The following STRADA variants were observed in gnomAD, a reference collection of about 807,000 sequenced individuals.
STRADA encodes STE20-related kinase adapter protein alpha.
STRADA carries 26 observed loss-of-function variants against 55.0 expected under a neutral mutation model. The observed-to-expected ratio is 0.47, with a 90% confidence interval of 0.35 to 0.66. The LOEUF (loss-of-function observed/expected upper bound fraction) is 0.66. Among genes scored for constraint, STRADA ranks in the 30% least tolerant of loss-of-function variants. The pLI is 0.01. For missense variants in STRADA, 443 were observed against 549.7 expected (o/e 0.81, Z 1.94); for synonymous variants, 197 against 210.9 (o/e 0.93, Z 0.57).
At chr17:63,710,679 C>T in intron 7 of STRADA, 49 bp downstream of exon 7, 1 of 1,613,946 alleles carries the variant, frequency 6.2e-7, no homozygotes, top group South Asian at 1.1e-5. Flanking sequence ...GGCAATCTGA[C>T]AACAGAGTCC....
intron 1 of STRADA, among the ~76,000 whole-genome samples, chr17:63,740,631 ATC>A (rs888229552): frequency 2.6e-4 from 39 of 152,342 alleles, no homozygotes; most frequent in African/African-American, 8.9e-4. Context: ...AAGTATTATC[ATC>A]TCTGTTTTAC....
chr17:63,707,147 C>T (rs1366455089), intron 9 of STRADA, 100 bp downstream of exon 9: 2 of 1,486,864 alleles, frequency 1.3e-6, no homozygotes, highest in Admixed American at 3.5e-5. Flanking sequence ...CCCCTTTACC[C>T]CACTGGGAGG....
chr17:63,739,797 A>AT (rs2038747778), intron 1 of STRADA, among the ~76,000 whole-genome samples: 2 of 32,222 alleles, frequency 6.2e-5, no homozygotes, highest in Admixed American at 2.2e-4. Context: ...TAATGTACAT[A>AT]ATTATATGTA....
chr17:63,707,373 G>A lies in STRADA; in HGVS notation c.627C>T (p.Val209=). 1 of 1,614,176 alleles carries A rather than the reference G, an allele frequency of 6.2e-7. No individual in the cohort carries two copies. Among genetic ancestry groups the A allele is most frequent in the South Asian group, 1.1e-5 (1 of 91,084 alleles). Residue 209 remains valine, a synonymous_variant, in exon 9 of 13, where the codon GTC becomes GTT. Transcript: ENST00000336174. The part of the protein sequence containing the change: ...SHILISVDGK[V]YLSGLRSNLS... ...GGTTGCTGCGCAAACCAGACAGGTA[G>A]ACCTTCCCATCCACAGAGATCAGGA...
At chr17:63,720,187 T>A (rs1018887238) in intron 4 of STRADA, among the ~76,000 whole-genome samples, 3 of 150,628 alleles carry the variant, frequency 2.0e-5, no homozygotes, top group Non-Finnish European at 3.0e-5. Flanking sequence ...TTTTTTTTTT[T>A]AATTAGGGAC....
Position 63,726,693 on chromosome 17 carries a change from C to T in STRADA, c.39G>A (p.Arg13=), listed in dbSNP as rs1238258633. 8 of 1,614,086 alleles carry T rather than the reference C, an allele frequency of 5.0e-6. No individual in the cohort carries two copies. The highest frequency in any genetic ancestry group is 6.8e-6 in the Non-Finnish European group (8 of 1,179,976). ...CAACAATGAACTTTTCCGAGACCCA[C>T]CGCTAAAGAGGAAAACCCCAAAGAG... The part of the protein sequence containing the change: ...FLVSKPERIR[R]WVSEKFIVEG... Residue 13 remains arginine, a splice_region_variant and synonymous_variant, in exon 3 of 13, where the codon CGG becomes CGA. Coordinates refer to ENST00000336174, the MANE Select transcript of STRADA (RefSeq NM_001003787.4).
intron 1 of STRADA, among the ~76,000 whole-genome samples, chr17:63,739,026 G>A (rs962271194): frequency 1.1e-4 from 17 of 150,268 alleles, no homozygotes; most frequent in Non-Finnish European, 1.6e-4. Flanking sequence ...GGTGGCGGGC[G>A]CCTGTAGTCC....
intron 8 of STRADA, among the ~76,000 whole-genome samples, chr17:63,709,069 A>G (rs975387737): frequency 7.2e-5 from 11 of 152,102 alleles, no homozygotes; most frequent in African/African-American, 1.9e-4. Flanking sequence ...CCTTCTGGGG[A>G]CAGACACTCA....
In STRADA at chr17:63,724,245, C is replaced by T. The variant is rs185422991; in HGVS notation, c.95-919G>A. 6.6e-3 allele frequency among the ~76,000 whole-genome samples: 996 copies of T among 151,506 alleles called. 9 individuals carry two copies. The highest frequency in any genetic ancestry group is 0.036 in the South Asian group (171 of 4,776). On this transcript the variant is annotated intron_variant, in intron 3 of 12. Transcript: ENST00000336174. The stretch of plus-strand genomic sequence containing the variant: ...GCAACCTCCGCCTCCCGGGTTCAAG[C>T]GATTCTCCTGCCTCAGCCTCCCAAG...
At chr17:63,716,129 C>A (rs1189915527) in intron 4 of STRADA, among the ~76,000 whole-genome samples, 1 of 148,004 alleles carries the variant, frequency 6.8e-6, no homozygotes, top group Admixed American at 6.7e-5. Context: ...CGGAGTCTCA[C>A]TCTGTCACCA....
At position 63,741,661 on chromosome 17, in the gene STRADA, G is replaced by A. The variant is rs1236841758; in HGVS notation, c.-45+80C>T. On this transcript the variant is annotated intron_variant, in intron 1 of 12. Transcript: ENST00000336174. ...GGATGGCCGCTCCGACGAAGGCCCG[G>A]GCCTGGGGAGATGGAATCGGTGGCA... 2.0e-5 allele frequency: 3 copies of A among 152,472 alleles called. No homozygotes were observed. The East Asian group carries it at 5.8e-4, about 29-fold the overall frequency. The allele number at this position is 152,472 out of a possible 1,614,324, so 9.4% of individuals were successfully genotyped here.
chr17:63,730,956 T>C (rs2037998435), intron 1 of STRADA, among the ~76,000 whole-genome samples: 1 of 151,028 alleles, frequency 6.6e-6, no homozygotes, highest in South Asian at 2.1e-4. Context: ...CCTGATATTC[T>C]TTTTTTTTGA....
chr17:63,723,774 G>A (rs2037466839), intron 3 of STRADA: 1 of 154,752 alleles, frequency 6.5e-6, no homozygotes, highest in Non-Finnish European at 1.4e-5. Context: ...AGGGCAAAAA[G>A]TTTTAAAATA....
chr17:63,736,197 A>G (rs1236921926), intron 1 of STRADA, among the ~76,000 whole-genome samples: 1 of 151,948 alleles, frequency 6.6e-6, no homozygotes, highest in African/African-American at 2.4e-5. Flanking sequence ...TCAGCCTCCC[A>G]AAGTGCTGGG....
At chr17:63,735,063 G>A (rs572835675) in intron 1 of STRADA, among the ~76,000 whole-genome samples, 1 of 152,288 alleles carries the variant, frequency 6.6e-6, no homozygotes, top group Non-Finnish European at 1.5e-5. Flanking sequence ...GCTGAGACAG[G>A]AGAATCGTTT....
chr17:63,732,094 T>A (rs1027740903), intron 1 of STRADA, among the ~76,000 whole-genome samples: 1 of 152,106 alleles, frequency 6.6e-6, no homozygotes, highest in African/African-American at 2.4e-5. Context: ...GGTCTCGATC[T>A]CCTGACCTTG....
At chr17:63,707,574 C>T (rs2036186874) in intron 8 of STRADA, 156 bp from the exon 9 acceptor site, 1 of 707,652 alleles carries the variant, frequency 1.4e-6, no homozygotes, top group South Asian at 1.9e-5. Flanking sequence ...TTTTTGTTTT[C>T]ATTGAGATAA....
At chr17:63,723,167 T>C (rs1467135804) in intron 4 of STRADA, 131 bp downstream of exon 4, 4 of 1,137,008 alleles carry the variant, frequency 3.5e-6, no homozygotes, top group Non-Finnish European at 5.2e-6. Context: ...AGTACAAAAA[T>C]CACACTACAA....
At chr17:63,723,096 CTT>C (rs2037418752) in intron 4 of STRADA, among the ~76,000 whole-genome samples, 200 bp downstream of exon 4, 1 of 152,096 alleles carries the variant, frequency 6.6e-6, no homozygotes, top group South Asian at 2.1e-4. Context: ...CTACCTGAGA[CTT>C]TTTTCAGTTT....
Sources: gnomAD v4.1 joint callset for allele counts (sites outside exome capture counted in the v4.1 genomes callset) on GRCh38, gnomAD v4.1.1 for gene constraint, MANE v1.5 for transcripts, NCBI Gene and HGNC (gene_info 2026-07-23, HGNC 2026-07-21) for gene names.